Variants in PTPRD observed in about 807,000 individuals in gnomAD.
PTPRD encodes receptor-type tyrosine-protein phosphatase delta.
In PTPRD, 34 loss-of-function variants were observed where a neutral mutation model predicts 214.5. The observed-to-expected ratio is 0.16, with a 90% CI of 0.12 to 0.21. PTPRD has a LOEUF of 0.21. Among genes scored for constraint, PTPRD ranks in the 10% least tolerant of loss-of-function variants. PTPRD has a pLI of 1.00. For synonymous variants in PTPRD, 1,128 were observed against 845.7 expected, an observed-to-expected ratio of 1.33 and a Z score of -5.79; for missense variants, 2,545 against 2,398.7, an observed-to-expected ratio of 1.06 and a Z score of -1.27.
At chr9:8,773,285 G>C (rs1011275249) in intron 11 of PTPRD, among the ~76,000 whole-genome samples, 6 of 152,022 alleles carry the variant, frequency 3.9e-5, no homozygotes, top group Non-Finnish European at 8.8e-5. Context: ...ATCTGTCCTG[G>C]TACTATGTCC....
At chr9:8,731,155 A>T (rs749866990) in intron 12 of PTPRD, among the ~76,000 whole-genome samples, 2 of 152,236 alleles carry the variant, frequency 1.3e-5, no homozygotes, top group East Asian at 3.8e-4. Flanking sequence ...GACATTCTAT[A>T]CAGCAGATTA....
chr9:9,053,230 G>A (rs2099689791), intron 10 of PTPRD, among the ~76,000 whole-genome samples: 1 of 152,098 alleles, frequency 6.6e-6, no homozygotes, highest in African/African-American at 2.4e-5. Context: ...TACATTATGG[G>A]ATCTGTTCAC....
chr9:8,935,534 T>A (rs1196600775), intron 11 of PTPRD, among the ~76,000 whole-genome samples: 1 of 152,188 alleles, frequency 6.6e-6, no homozygotes, highest in Non-Finnish European at 1.5e-5. Context: ...ACTTACTACC[T>A]TTTTTCATGC....
intron 3 of PTPRD, among the ~76,000 whole-genome samples, chr9:10,118,545 G>T (rs954945728): frequency 2.6e-5 from 4 of 151,634 alleles, no homozygotes; most frequent in Non-Finnish European, 5.9e-5. Context: ...TATCAGAAGT[G>T]ATACATGTAA....
At chr9:9,937,163 C>A (rs1372190387) in intron 5 of PTPRD, among the ~76,000 whole-genome samples, 1 of 151,692 alleles carries the variant, frequency 6.6e-6, no homozygotes, top group Non-Finnish European at 1.5e-5. Context: ...CAGCATGGCA[C>A]ATGTATACAT....
intron 34 of PTPRD, among the ~76,000 whole-genome samples, chr9:8,441,849 A>G (rs2095557715): frequency 6.6e-6 from 1 of 152,168 alleles, no homozygotes; most frequent in African/African-American, 2.4e-5. Context: ...GAGGAATCTG[A>G]TCCCATACCC....
At chr9:9,818,853 T>A (rs951911724) in intron 5 of PTPRD, among the ~76,000 whole-genome samples, 1 of 145,066 alleles carries the variant, frequency 6.9e-6, no homozygotes. Context: ...GAGGTAGAGG[T>A]TTCAGTGAGC....
intron 4 of PTPRD, among the ~76,000 whole-genome samples, chr9:9,970,775 C>A (rs1227829759): frequency 3.3e-5 from 5 of 152,134 alleles, no homozygotes; most frequent in Non-Finnish European, 7.4e-5. Flanking sequence ...TCTGGAGTAT[C>A]AGTATCACTG....
At chr9:8,749,651 T>G (rs985081356) in intron 11 of PTPRD, among the ~76,000 whole-genome samples, 2 of 152,248 alleles carry the variant, frequency 1.3e-5, no homozygotes, top group African/African-American at 4.8e-5. Context: ...AATGTCCTCA[T>G]GTTATCATTG....
At chr9:8,651,864 A>G (rs952996072) in intron 12 of PTPRD, among the ~76,000 whole-genome samples, 1 of 152,222 alleles carries the variant, frequency 6.6e-6, no homozygotes. Context: ...CACTATAGAC[A>G]CAAGGTAACA....
At chr9:8,857,607 G>C (rs2097953179) in intron 11 of PTPRD, 1 of 153,240 alleles carries the variant, frequency 6.5e-6, no homozygotes, top group African/African-American at 2.4e-5. Context: ...AAGACACCGC[G>C]GGGCGGACGG....
At chr9:8,789,199 C>T (rs1185990438) in intron 11 of PTPRD, among the ~76,000 whole-genome samples, 1 of 151,998 alleles carries the variant, frequency 6.6e-6, no homozygotes, top group African/African-American at 2.4e-5. Context: ...ATACTTAATG[C>T]TTCTACTAAT....
At chr9:9,173,997 G>C (rs530678087) in intron 10 of PTPRD, among the ~76,000 whole-genome samples, 55 of 152,122 alleles carry the variant, frequency 3.6e-4, no homozygotes, top group Admixed American at 3.5e-3. Flanking sequence ...AGATTCCATA[G>C]ACATATATTT....
At chr9:8,799,851 C>CT (rs369187685) in intron 11 of PTPRD, among the ~76,000 whole-genome samples, 1 of 151,462 alleles carries the variant, frequency 6.6e-6, no homozygotes, top group Non-Finnish European at 1.5e-5. Context: ...CCCCCACACA[C>CT]TTTTTTTTTC....
At chr9:10,370,537 T>C (rs2097590363) in intron 2 of PTPRD, among the ~76,000 whole-genome samples, 1 of 152,058 alleles carries the variant, frequency 6.6e-6, no homozygotes, top group African/African-American at 2.4e-5. Context: ...TTATGTAGAA[T>C]TTTGAAATAC....
intron 8 of PTPRD, among the ~76,000 whole-genome samples, chr9:9,564,273 G>A (rs1316262324): frequency 6.6e-6 from 1 of 152,048 alleles, no homozygotes; most frequent in East Asian, 1.9e-4. Flanking sequence ...ATTCTGATGA[G>A]CTTTCCAAAT....
chr9:9,113,264 C>T (rs1050358539), intron 10 of PTPRD, among the ~76,000 whole-genome samples: 1 of 152,062 alleles, frequency 6.6e-6, no homozygotes, highest in Admixed American at 6.6e-5. Flanking sequence ...TGTGAGCCAC[C>T]ATGCCCAGCC....
chr9:9,527,912 A>C (rs1195346779), intron 8 of PTPRD, among the ~76,000 whole-genome samples: 3 of 152,206 alleles, frequency 2.0e-5, no homozygotes. Flanking sequence ...TGCCTTAAGC[A>C]ACATAGTCCA....
chr9:9,060,868 A>C (rs909290732), intron 10 of PTPRD, among the ~76,000 whole-genome samples: 2 of 152,166 alleles, frequency 1.3e-5, no homozygotes, highest in Non-Finnish European at 2.9e-5. Flanking sequence ...AGACAAAACA[A>C]ATTTTTCAGA....
Sources: gnomAD v4.1 joint callset for allele counts (sites outside exome capture counted in the v4.1 genomes callset) on GRCh38, gnomAD v4.1.1 for gene constraint, MANE v1.5 for transcripts, NCBI Gene and HGNC (gene_info 2026-07-23, HGNC 2026-07-21) for gene names.